Variants in EEF1E1 observed in about 807,000 individuals in gnomAD.
The protein encoded by EEF1E1 is eukaryotic translation elongation factor 1 epsilon-1.
A neutral mutation model predicts 19.9 loss-of-function variants in EEF1E1; 19 were observed. The observed-to-expected ratio is 0.95, with a 90% CI of 0.66 to 1.40. The LOEUF is 1.40. Ranked by LOEUF, EEF1E1 falls within the 40% of genes most tolerant of loss-of-function variation. The pLI, the probability that EEF1E1 is intolerant of heterozygous loss-of-function variation, is 0.00. For missense variants in EEF1E1, 198 were observed against 202.2 expected, an observed-to-expected ratio of 0.98 and a Z score of 0.13; for synonymous variants, 81 against 80.0, an observed-to-expected ratio of 1.01 and a Z score of -0.07.
rs945989243 is a variant in EEF1E1, at chr6:8,101,844, T to G, written c.87+591A>C. On this transcript the variant is annotated intron_variant, in intron 1 of 3. Coordinates refer to ENST00000379715, the MANE Select transcript of EEF1E1 (RefSeq NM_004280.5). ...AGGCTTTAGAAACGCCTTCCCCGAA[T>G]CCCCTAGATTGGGCCAAGACTCCTT... 12 of 1,288,354 alleles carry G rather than the reference T, an allele frequency of 9.3e-6. No individual in the cohort carries two copies. In the African/African-American group the frequency reaches 1.7e-4, roughly 18 times the overall value. 79.8% of individuals were successfully genotyped at this position (1,288,354 alleles called of 1,614,324 possible).
chr6:8,084,352 TA>T (rs1757793047), intron 3 of EEF1E1, among the ~76,000 whole-genome samples: 2 of 152,244 alleles, frequency 1.3e-5, no homozygotes, highest in Non-Finnish European at 2.9e-5. Flanking sequence ...GTGCTATGAA[TA>T]TTTTGCACTA....
At position 8,079,742 on chromosome 6, in the gene EEF1E1, A is replaced by T; in HGVS notation, c.*148T>A. On this transcript the variant is annotated 3_prime_UTR_variant, in exon 4 of 4. Coordinates refer to ENST00000379715, the MANE Select transcript of EEF1E1 (RefSeq NM_004280.5). Reference sequence around the variant, plus strand: ...ACTTCAGCTAAAGAACAAATAAAACATTCAGACACAAGTTTACACTTCAAA... The same window carrying T: ...ACTTCAGCTAAAGAACAAATAAAACTTTCAGACACAAGTTTACACTTCAAA... 2 of 1,298,742 alleles carry T rather than the reference A, an allele frequency of 1.5e-6. No individual in the cohort carries two copies. The highest frequency in any genetic ancestry group is 2.0e-6 in the Non-Finnish European group (2 of 1,020,474). 80.5% of individuals were successfully genotyped at this position (1,298,742 alleles called of 1,614,324 possible).
intron 1 of EEF1E1, among the ~76,000 whole-genome samples, chr6:8,099,822 A>C (rs1374885402): frequency 2.0e-5 from 3 of 151,324 alleles, no homozygotes; most frequent in African/African-American, 7.3e-5. Flanking sequence ...TATAATGTTC[A>C]CACATGATGA....
At chr6:8,074,061 C>A (rs1561878020) in intron 3 of EEF1E1, among the ~76,000 whole-genome samples, 1 of 152,180 alleles carries the variant, frequency 6.6e-6, no homozygotes, top group African/African-American at 2.4e-5. Flanking sequence ...GGGAGAGAAG[C>A]CTTTTGCTGT....
At chr6:8,100,084 T>G (rs1758307606) in intron 1 of EEF1E1, among the ~76,000 whole-genome samples, 1 of 152,158 alleles carries the variant, frequency 6.6e-6, no homozygotes, top group South Asian at 2.1e-4. Flanking sequence ...CCCATACAAG[T>G]AAACAGAAAC....
chr6:8,100,833 G>A (rs1317940162), intron 1 of EEF1E1, among the ~76,000 whole-genome samples: 1 of 150,544 alleles, frequency 6.6e-6, no homozygotes, highest in South Asian at 2.1e-4. Context: ...GCTCACCCAC[G>A]ACAGTCCATG....
In EEF1E1 at chr6:8,093,138, C is replaced by G. The variant is rs569652372; in HGVS notation, c.289-2857G>C. On this transcript the variant is annotated intron_variant, in intron 2 of 3. Transcript: ENST00000379715. ...CAGCCTGCCTCGGCCTCCCAAAGTG[C>G]TGGGATTACAGGCGTGAGCCACCGT... is the stretch of plus-strand genomic sequence containing the variant. Among the ~76,000 whole-genome samples, 15 of 152,108 alleles carry G rather than the reference C, an allele frequency of 9.9e-5. 1 individual carries two copies. The South Asian group carries it at 3.1e-3, about 32-fold the overall frequency.
chr6:8,094,524 T>C (rs1318565960), intron 2 of EEF1E1, among the ~76,000 whole-genome samples: 2 of 149,922 alleles, frequency 1.3e-5, no homozygotes, highest in East Asian at 3.9e-4. Context: ...TGCTTGAACC[T>C]GGAAGGCAGA....
chr6:8,077,056 G>C (rs967598707), downstream of EEF1E1, among the ~76,000 whole-genome samples: 5 of 150,800 alleles, frequency 3.3e-5, no homozygotes, highest in Non-Finnish European at 7.4e-5. Flanking sequence ...CCATTCTCCT[G>C]CCTCAGCTTC....
chr6:8,102,185 G>GTCATCATCCCATT, intron 1 of EEF1E1: 3 of 1,152,698 alleles, frequency 2.6e-6, no homozygotes, highest in Non-Finnish European at 3.5e-6. Context: ...ATAATGGGAT[G>GTCATCATCCCATT]ATGACAATTT....
chr6:8,077,149 T>C (rs567051608), downstream of EEF1E1, among the ~76,000 whole-genome samples: 19 of 152,114 alleles, frequency 1.2e-4, no homozygotes, highest in Non-Finnish European at 2.2e-4. Flanking sequence ...TTCACCGTGT[T>C]AGCCAGGATT....
chr6:8,090,084 T>C (rs779960471), intron 3 of EEF1E1, 102 bp downstream of exon 3: 8 of 982,000 alleles, frequency 8.1e-6, no homozygotes, highest in Non-Finnish European at 1.1e-5. Context: ...TCATTTTTAT[T>C]TGATAAGCCA....
intron 2 of EEF1E1, among the ~76,000 whole-genome samples, 164 bp from the exon 3 acceptor site, chr6:8,090,445 C>T (rs963028448): frequency 1.3e-4 from 19 of 151,982 alleles, no homozygotes; most frequent in Admixed American, 4.6e-4. Flanking sequence ...ACAAATAATA[C>T]GCCAGTCACC....
downstream of EEF1E1, among the ~76,000 whole-genome samples, chr6:8,074,901 GAC>G (rs1757557085): frequency 6.6e-6 from 1 of 152,210 alleles, no homozygotes; most frequent in Admixed American, 6.5e-5. Context: ...AGAGGAGTAA[GAC>G]ACAGGAAGAA....
chr6:8,093,758 T>C lies in EEF1E1; in HGVS notation c.289-3477A>G, dbSNP rs187763386. On this transcript the variant is annotated intron_variant, in intron 2 of 3. Coordinates refer to ENST00000379715, the MANE Select transcript of EEF1E1 (RefSeq NM_004280.5). ...AAATAATAAAATAGCTAATAAGCAGTATGAAAACGACACATTAATAATTGT... is the reference window on the plus strand; with the variant it reads ...AAATAATAAAATAGCTAATAAGCAGCATGAAAACGACACATTAATAATTGT... 1.4e-3 allele frequency among the ~76,000 whole-genome samples: 215 copies of C among 151,948 alleles called. 1 individual carries two copies. Among genetic ancestry groups the C allele is most frequent in the Non-Finnish European group, 2.3e-3 (157 of 67,950 alleles).
chr6:8,097,048 G>T (rs1758194695), intron 2 of EEF1E1, among the ~76,000 whole-genome samples: 1 of 152,198 alleles, frequency 6.6e-6, no homozygotes, highest in Non-Finnish European at 1.5e-5. Context: ...TCATCCAGCT[G>T]AGAGAGAAGT....
intron 2 of EEF1E1, 84 bp from the exon 3 acceptor site, chr6:8,090,365 T>C (rs1757984214): frequency 9.9e-7 from 1 of 1,008,732 alleles, no homozygotes; most frequent in Non-Finnish European, 1.3e-6. Flanking sequence ...TTAAAAGATT[T>C]AGGCTACTAG....
At chr6:8,090,417 TAATA>T (rs754602607) in intron 2 of EEF1E1, 136 bp from the exon 3 acceptor site, 118 of 652,588 alleles carry the variant, frequency 1.8e-4, no homozygotes, top group Middle Eastern at 4.9e-4. Context: ...TCTTTGACAT[TAATA>T]TTCATTCAAA....
chr6:8,080,109 T>G, intron 3 of EEF1E1, 79 bp from the exon 4 acceptor site: 1 of 1,501,518 alleles, frequency 6.7e-7, no homozygotes, highest in Middle Eastern at 1.8e-4. Flanking sequence ...AAGTAGGAGA[T>G]AGAAGTTGAA....
Sources: allele counts gnomAD v4.1 joint callset (sites outside exome capture counted in the v4.1 genomes callset), GRCh38; gene constraint gnomAD v4.1.1; transcripts MANE v1.5; gene names NCBI Gene and HGNC (gene_info 2026-07-23, HGNC 2026-07-21).